PCDH11X: variants seen among roughly 807,000 people sequenced by gnomAD.
PCDH11X encodes protocadherin 11 X-linked.
Under a neutral mutation model 53.3 loss-of-function variants are expected in PCDH11X, and 18 were observed. The observed-to-expected ratio is 0.34, with a 90% CI of 0.23 to 0.50. The LOEUF (loss-of-function observed/expected upper bound fraction) is 0.50, where lower values mean the gene tolerates loss of function less well. PCDH11X is among the 20% of genes least tolerant of loss of function. PCDH11X has a pLI of 0.98. For synonymous variants in PCDH11X, 279 were observed against 393.3 expected, an observed-to-expected ratio of 0.71 and a Z score of 3.44; for missense variants, 570 against 1,032.4, an observed-to-expected ratio of 0.55 and a Z score of 6.14.
chrX:91,878,214 A>G lies in PCDH11X; in HGVS notation c.1974A>G (p.Lys658=). Residue 658 remains lysine, a synonymous_variant, in exon 6 of 11, where the codon AAA becomes AAG. Transcript: ENST00000682573. The part of the protein sequence containing the change: ...GGRVSRSSSA[K]VTINVVDVND... ...GAGTATCACGTTCTTCAAGTGCCAA[A>G]GTAACCATAAATGTGGTTGATGTCA... The G allele has an allele frequency of 8.3e-7, 1 of 1,210,312 alleles. No individual in the cohort carries two copies. The highest frequency in any genetic ancestry group is 3.0e-5 in the East Asian group (1 of 33,778).
chrX:92,450,991 G>A (rs139823746), intron 9 of PCDH11X, among the ~76,000 whole-genome samples: 1,466 of 111,179 alleles, frequency 0.013, 25 homozygotes, highest in African/African-American at 0.046. Context: ...TTAATCGAAT[G>A]AGTTGGTTAA....
intron 10 of PCDH11X, among the ~76,000 whole-genome samples, chrX:92,592,738 A>G (rs1438408779): frequency 8.9e-6 from 1 of 112,087 alleles, no homozygotes; most frequent in Non-Finnish European, 1.9e-5. Flanking sequence ...CTCAGAAAAC[A>G]ACAACAACAA....
intron 4 of PCDH11X, among the ~76,000 whole-genome samples, chrX:91,825,541 C>A (rs1048921697): frequency 8.9e-6 from 1 of 111,738 alleles, no homozygotes; most frequent in Non-Finnish European, 1.9e-5. Flanking sequence ...AGCTCGCGCA[C>A]GGTGCGCGCA....
intron 6 of PCDH11X, among the ~76,000 whole-genome samples, chrX:92,062,824 A>G (rs2063540940): frequency 9.0e-6 from 1 of 111,589 alleles, no homozygotes; most frequent in Non-Finnish European, 1.9e-5. Flanking sequence ...AATAACATTT[A>G]ACTCAGCAAT....
chrX:91,861,492 T>C (rs2147688926), intron 5 of PCDH11X, among the ~76,000 whole-genome samples: 1 of 109,418 alleles, frequency 9.1e-6, no homozygotes, highest in African/African-American at 3.3e-5. Context: ...ACAGCCACTG[T>C]GCTGCACTGT....
chrX:92,010,661 A>G (rs1028021087), intron 6 of PCDH11X, among the ~76,000 whole-genome samples: 3 of 110,215 alleles, frequency 2.7e-5, no homozygotes, highest in African/African-American at 9.9e-5. Flanking sequence ...ATGCATAGAT[A>G]TTGTCTCTGT....
chrX:92,091,400 A>C (rs2064046212), intron 6 of PCDH11X, among the ~76,000 whole-genome samples: 1 of 108,404 alleles, frequency 9.2e-6, no homozygotes, highest in Non-Finnish European at 1.9e-5. Context: ...GCATTTTTCA[A>C]CTCTATATGT....
chrX:92,093,673 A>AT (rs35816060), intron 6 of PCDH11X, among the ~76,000 whole-genome samples: 3 of 111,133 alleles, frequency 2.7e-5, no homozygotes, highest in Admixed American at 9.6e-5. Context: ...TTTTAATGGT[A>AT]TTTTTTTCAG....
intron 10 of PCDH11X, among the ~76,000 whole-genome samples, chrX:92,601,915 G>A (rs6619084): frequency 0.23 from 26,026 of 110,850 alleles, 2,385 homozygotes; most frequent in African/African-American, 0.3. Context: ...CTTCTAACAG[G>A]TCTGTGTTGC....
At chrX:92,282,814 C>T (rs1025549167) in intron 8 of PCDH11X, among the ~76,000 whole-genome samples, 19 of 111,072 alleles carry the variant, frequency 1.7e-4, no homozygotes, top group African/African-American at 4.9e-4. Context: ...AGATTGCTAT[C>T]GTTTTTCATT....
chrX:91,806,656 C>T (rs769515817), intron 1 of PCDH11X, among the ~76,000 whole-genome samples: 2 of 112,414 alleles, frequency 1.8e-5, no homozygotes, highest in African/African-American at 6.4e-5. Context: ...CTTAGGCCTA[C>T]GCTGATGGAG....
chrX:92,126,073 A>G (rs1176134337), intron 6 of PCDH11X, among the ~76,000 whole-genome samples: 2 of 109,239 alleles, frequency 1.8e-5, no homozygotes, highest in African/African-American at 6.7e-5. Flanking sequence ...GTTGCAGTAA[A>G]CCAAGATTGC....
At chrX:92,042,874 C>T (rs1163358473) in intron 6 of PCDH11X, among the ~76,000 whole-genome samples, 1 of 108,775 alleles carries the variant, frequency 9.2e-6, no homozygotes, top group African/African-American at 3.3e-5. Flanking sequence ...CTCCTGACCT[C>T]GTCATCCACC....
intron 6 of PCDH11X, among the ~76,000 whole-genome samples, chrX:92,161,401 G>A (rs747318523): frequency 2.7e-5 from 3 of 111,394 alleles, no homozygotes; most frequent in East Asian, 2.8e-4. Context: ...AATCTGATAC[G>A]TTTTCTTTTT....
At chrX:91,972,047 A>G (rs1177481585) in intron 6 of PCDH11X, among the ~76,000 whole-genome samples, 6 of 110,351 alleles carry the variant, frequency 5.4e-5, no homozygotes, top group Non-Finnish European at 1.1e-4. Context: ...TTGCTGAACT[A>G]GTTTACAGTC....
At chrX:91,952,201 C>G (rs1232066391) in intron 6 of PCDH11X, among the ~76,000 whole-genome samples, 4 of 110,709 alleles carry the variant, frequency 3.6e-5, no homozygotes, top group African/African-American at 9.9e-5. Flanking sequence ...AGATCTATTG[C>G]TTTTTATTTT....
At chrX:92,009,693 C>T (rs755341808) in intron 6 of PCDH11X, among the ~76,000 whole-genome samples, 1 of 94,535 alleles carries the variant, frequency 1.1e-5, no homozygotes, top group East Asian at 3.5e-4. Context: ...AAAACAGTGA[C>T]TGTTGCCTTT....
At chrX:92,257,795 T>G (rs553547054) in intron 7 of PCDH11X, among the ~76,000 whole-genome samples, 1 of 112,622 alleles carries the variant, frequency 8.9e-6, no homozygotes, top group African/African-American at 3.2e-5. Context: ...GTTCAGCCCC[T>G]GAGGCTGTTC....
intron 6 of PCDH11X, among the ~76,000 whole-genome samples, chrX:92,094,131 ATATGTGTGTGTG>A (rs1402873936): frequency 5.4e-5 from 3 of 55,544 alleles, no homozygotes; most frequent in Admixed American, 2.6e-4. Flanking sequence ...CAAAAAAGTA[ATATGTGTGTGTG>A]TGTGTGTGTG....
Sources: allele counts gnomAD v4.1 joint callset (sites outside exome capture counted in the v4.1 genomes callset), GRCh38; gene constraint gnomAD v4.1.1; transcripts MANE v1.5; gene names NCBI Gene and HGNC (gene_info 2026-07-23, HGNC 2026-07-21).